Variants in ALYREF observed in about 807,000 individuals in gnomAD.
ALYREF encodes the protein THO complex subunit 4.
Under a neutral mutation model 25.2 loss-of-function variants are expected in ALYREF, and 1 was observed. The observed-to-expected ratio is 0.04, with a 90% CI of 0.01 to 0.19. The LOEUF is 0.19. Among genes scored for constraint, ALYREF ranks in the 10% least tolerant of loss-of-function variants. ALYREF has a pLI of 1.00. For synonymous variants in ALYREF, 193 were observed against 153.5 expected (o/e 1.26, Z -1.90); for missense variants, 328 against 375.6 (o/e 0.87, Z 1.05).
At position 81,888,905 on chromosome 17, in the gene ALYREF, C is replaced by CA. The variant is rs1048095498; in HGVS notation, c.538+276dup. The CA allele has an allele frequency of 1.4e-6, 2 of 1,409,532 alleles. No individual in the cohort carries two copies. The highest frequency in any genetic ancestry group is 1.8e-6 in the Non-Finnish European group (2 of 1,083,774). 87.3% of individuals were successfully genotyped at this position (1,409,532 alleles called of 1,614,324 possible). ...GTCTTTACGACTACAGCCCCGCACT[C>CA]AGAGGTGTACTATGGCGGTTCTGAG... On this transcript the variant is annotated intron_variant, in intron 3 of 5. Coordinates refer to ENST00000505490, the MANE Select transcript of ALYREF (RefSeq NM_005782.4). This position sits in a 1 kb window ranked among gnomAD's most constrained non-coding sequence, Gnocchi z 5.8.
In ALYREF at chr17:81,888,990, C is replaced by A; in HGVS notation, c.538+192G>T. 7.0e-7 allele frequency: 1 copy of A among 1,426,380 alleles called. No homozygotes were observed. The highest frequency in any genetic ancestry group is 9.2e-7 in the Non-Finnish European group (1 of 1,091,740). 88.4% of individuals were successfully genotyped at this position (1,426,380 alleles called of 1,614,324 possible). On this transcript the variant is annotated intron_variant, in intron 3 of 5. Transcript: ENST00000505490. The surrounding 1 kb of genome is among the most constrained non-coding windows in gnomAD (Gnocchi z 5.8). ...TGAAGGAGGGGAGGGATGTAGCTTG[C>A]TGGATGGGGGTTCACAAGAGGTTGG...
rs761153325 is a variant in ALYREF, at chr17:81,888,137, G to C, written c.789C>G (p.Thr263=). The change falls in exon 6 of 6, where the codon ACC becomes ACG. Residue 263 remains threonine, a synonymous_variant. Coordinates refer to ENST00000505490, the MANE Select transcript of ALYREF (RefSeq NM_005782.4). The surrounding 1 kb of genome is among the most constrained non-coding windows in gnomAD (Gnocchi z 5.8). The part of the protein sequence containing the change: ...QLDAYNARMD[T]S Reference sequence around the variant, plus strand: ...CGCGGATTTGCTGGTCTGTTTAACTGGTGTCCATCTGAAACACAGAGGAGA... The same window carrying C: ...CGCGGATTTGCTGGTCTGTTTAACTCGTGTCCATCTGAAACACAGAGGAGA... 1.4e-4 allele frequency: 224 copies of C among 1,614,110 alleles called. 1 individual carries two copies. Among genetic ancestry groups the C allele is most frequent in the South Asian group, 3.3e-4 (30 of 91,084 alleles).
chr17:81,890,706 A>G lies in ALYREF; in HGVS notation c.373T>C (p.Ser125Pro). The change falls in exon 2 of 6, where the codon TCA becomes CCA. Residue 125 changes from serine to proline, a missense_variant. Ser to Pro is a moderately conservative substitution (Grantham distance 74). This residue lies in a region of ALYREF where 70 missense variants were observed against 129.9 expected (regional missense o/e 0.54). Transcript: ENST00000505490. ...TCTCTTACCTGAATATCGGCGTCTG[A>G]GACTCCAAAATCCAGATTGGACACC... ...LLVSNLDFGV[S>P]DADIQELFAE... is the part of the protein sequence containing the mutation. The G allele has an allele frequency of 6.2e-7, 1 of 1,613,784 alleles. No homozygotes were observed. Among genetic ancestry groups the G allele is most frequent in the Non-Finnish European group, 8.5e-7 (1 of 1,179,952 alleles).
At position 81,891,387 on chromosome 17, in the gene ALYREF, C is replaced by T; in HGVS notation, c.194G>A (p.Arg65Gln). The part of the protein sequence containing the change: ...VNRGGGPIRN[R>Q]PAIARGAAGG... ...GGCCGCGCCGCGGGCGATGGCCGGC[C>T]GGTTCCGGATGGGCCCGCCGCCTCG... Residue 65 changes from arginine (R) to glutamine (Q), a missense_variant, in exon 1 of 6, where the codon CGG (arginine) becomes CAG (glutamine). Arg to Gln is a conservative substitution (Grantham distance 43). Transcript: ENST00000505490. The T allele has an allele frequency of 1.8e-6, 2 of 1,121,402 alleles. No homozygotes were observed. The highest frequency in any genetic ancestry group is 4.8e-5 in the Admixed American group (1 of 20,850). 69.5% of individuals were successfully genotyped at this position (1,121,402 alleles called of 1,614,324 possible). A position where few individuals can be genotyped will look rare whatever the true frequency, so the allele number is the denominator to read the frequency against.
intron 2 of ALYREF, 132 bp from the exon 3 acceptor site, chr17:81,889,461 A>C (rs1411193211): frequency 9.5e-7 from 1 of 1,052,256 alleles, no homozygotes; most frequent in East Asian, 2.4e-5. Context: ...GGTTAACGGG[A>C]AATGAGGGAA....
chr17:81,888,035 T>C lies in ALYREF; in HGVS notation c.*96A>G. 6 of 1,391,354 alleles carry C rather than the reference T, an allele frequency of 4.3e-6. No individual in the cohort carries two copies. The highest frequency in any genetic ancestry group is 5.9e-6 in the Non-Finnish European group (6 of 1,019,444). The allele number at this position is 1,391,354 out of a possible 1,614,324, so 86.2% of individuals were successfully genotyped here. Reference sequence around the variant, plus strand: ...TATTTTAAAACATAAAAGAAACAAATCCATCATTGGCCGCACAGCCCCAGC... The same window carrying C: ...TATTTTAAAACATAAAAGAAACAAACCCATCATTGGCCGCACAGCCCCAGC... On this transcript the variant is annotated 3_prime_UTR_variant, in exon 6 of 6. Coordinates refer to ENST00000505490, the MANE Select transcript of ALYREF (RefSeq NM_005782.4). This position sits in a 1 kb window ranked among gnomAD's most constrained non-coding sequence, Gnocchi z 5.8.
At chr17:81,890,270 CAG>C (rs1388555633) in intron 2 of ALYREF, among the ~76,000 whole-genome samples, 1 of 152,108 alleles carries the variant, frequency 6.6e-6, no homozygotes. Context: ...TCAAGGCAAA[CAG>C]AGCCAGAAAA....
chr17:81,889,119 G>T, intron 3 of ALYREF, 63 bp downstream of exon 3: 1 of 1,596,218 alleles, frequency 6.3e-7, no homozygotes. Flanking sequence ...TTCCTACCTG[G>T]ACAGGTGCCA....
At chr17:81,889,099 G>A (rs1365943572) in intron 3 of ALYREF, 83 bp downstream of exon 3, 3 of 1,567,264 alleles carry the variant, frequency 1.9e-6, no homozygotes, top group Non-Finnish European at 1.7e-6. Context: ...AGCCACAGGG[G>A]TACCCCATAT....
In ALYREF at chr17:81,890,808, G is replaced by C; in HGVS notation, c.271C>G (p.Pro91Ala). The part of the protein sequence containing the change: ...PAPYSRPKQL[P>A]DKWQHDLFDS... ...AAAAGATCGTGCTGCCACTTGTCGG[G>C]AAGTTGTTTTGGCTGAAAAAAAAAC... Residue 91 changes from proline to alanine, a missense_variant, in exon 2 of 6, where the codon CCC (proline) becomes GCC (alanine). By Grantham distance (27) the Pro-to-Ala change is conservative. Transcript: ENST00000505490. 6.2e-7 allele frequency: 1 copy of C among 1,614,108 alleles called. No homozygotes were observed. The highest frequency in any genetic ancestry group is 8.5e-7 in the Non-Finnish European group (1 of 1,179,992).
Position 81,891,553 on chromosome 17 carries a change from C to T in ALYREF, c.28G>A (p.Asp10Asn). Residue 10 changes from aspartate to asparagine, a missense_variant, in exon 1 of 6, where the codon GAC (aspartate) becomes AAC (asparagine). Asp to Asn is a conservative substitution (Grantham distance 23). This residue lies in a region of ALYREF where 150 missense variants were observed against 135.3 expected (regional missense o/e 1.11). Transcript: ENST00000505490. Reference sequence around the variant, plus strand: ...TCGTCCAGAGACATGTCCATTTTGTCGGCCATGGCGGGCGCGGAATCGGGC... The same window carrying T: ...TCGTCCAGAGACATGTCCATTTTGTTGGCCATGGCGGGCGCGGAATCGGGC... The part of the protein sequence containing the change: MPDSAPAMA[D>N]KMDMSLDDII... 10 of 1,437,810 alleles carry T rather than the reference C, an allele frequency of 7.0e-6. No individual in the cohort carries two copies. The highest frequency in any genetic ancestry group is 8.2e-6 in the Non-Finnish European group (9 of 1,094,494). 89.1% of individuals were successfully genotyped at this position (1,437,810 alleles called of 1,614,324 possible).
chr17:81,890,939 G>A lies in ALYREF; in HGVS notation c.259-119C>T. ...CCTGAGAGGATCCGGCCGAAACGGG[G>A]CCGCCAGCGCTCCCTCCGGCGCTGC... On this transcript the variant is annotated intron_variant, in intron 1 of 5. Transcript: ENST00000505490. 2.1e-6 allele frequency: 3 copies of A among 1,454,894 alleles called. No individual in the cohort carries two copies. In the South Asian group the frequency reaches 3.9e-5, roughly 19 times the overall value. 90.1% of individuals were successfully genotyped at this position (1,454,894 alleles called of 1,614,324 possible). A position where few individuals can be genotyped will look rare whatever the true frequency, so the allele number is the denominator to read the frequency against.
chr17:81,889,148 C>A (rs2039469310), intron 3 of ALYREF, 34 bp downstream of exon 3: 1 of 1,607,886 alleles, frequency 6.2e-7, no homozygotes, highest in Non-Finnish European at 8.5e-7. Flanking sequence ...CTCCACAAGC[C>A]CCACAGTCAG....
intron 1 of ALYREF, 123 bp downstream of exon 1, chr17:81,891,200 C>A (rs951519883): frequency 7.4e-4 from 610 of 823,436 alleles, no homozygotes; most frequent in Non-Finnish European, 8.9e-4. Context: ...CCCTCCGGAC[C>A]TCCGGGCGGC....
chr17:81,888,373 A>G lies in ALYREF; in HGVS notation c.648T>C (p.Phe216=), dbSNP rs1292406531. 6.2e-7 allele frequency: 1 copy of G among 1,602,384 alleles called. No homozygotes were observed. Among genetic ancestry groups the G allele is most frequent in the Admixed American group, 1.7e-5 (1 of 59,540 alleles). ...CTCTCCGGGTGCCTCCACCACCACC[A>G]AAACCTCCAGCGCCACGGTTTCTAG... ...GMTRNRGAGG[F]GGGGGTRRGT... The change falls in exon 5 of 6, where the codon TTT becomes TTC. Residue 216 remains phenylalanine, a synonymous_variant. Coordinates refer to ENST00000505490, the MANE Select transcript of ALYREF (RefSeq NM_005782.4). The surrounding 1 kb of genome is among the most constrained non-coding windows in gnomAD (Gnocchi z 5.8).
intron 1 of ALYREF, chr17:81,891,036 G>A (rs1425312715): frequency 1.4e-5 from 10 of 720,870 alleles, no homozygotes; most frequent in Non-Finnish European, 2.2e-5. Context: ...CTAACTTCCC[G>A]CCGCCTGTGC....
chr17:81,888,101 C>T lies in ALYREF; in HGVS notation c.*30G>A, dbSNP rs1598290004. 1 of 1,613,820 alleles carries T rather than the reference C, an allele frequency of 6.2e-7. No homozygotes were observed. The highest frequency in any genetic ancestry group is 2.2e-5 in the East Asian group (1 of 44,878). ...AGGGAGCAAGAGGAGACGCCTGGGT[C>T]CTGTTCCGCACGCGGATTTGCTGGT... On this transcript the variant is annotated 3_prime_UTR_variant, in exon 6 of 6. Transcript: ENST00000505490. The surrounding 1 kb of genome is among the most constrained non-coding windows in gnomAD (Gnocchi z 5.8).
Position 81,887,964 on chromosome 17 carries a change from AAAAAAAAAAG to A in ALYREF, c.*157_*166del. 4 of 813,002 alleles carry A rather than the reference AAAAAAAAAAG, an allele frequency of 4.9e-6. No individual in the cohort carries two copies. Among genetic ancestry groups the A allele is most frequent in the Non-Finnish European group, 7.1e-6 (4 of 560,774 alleles). The allele number at this position is 813,002 out of a possible 1,614,324, so 50.4% of individuals were successfully genotyped here. A position where few individuals can be genotyped will look rare whatever the true frequency, so the allele number is the denominator to read the frequency against. ...AACAGGTCTGTTTCAGAATTAAAAA[AAAAAAAAAAG>A]AAAAAAAAAAAACCTTTACATGAGT... On this transcript the variant is annotated 3_prime_UTR_variant, in exon 6 of 6. Transcript: ENST00000505490.
intron 2 of ALYREF, among the ~76,000 whole-genome samples, 188 bp from the exon 3 acceptor site, chr17:81,889,517 A>G (rs1234333595): frequency 6.6e-6 from 1 of 152,150 alleles, no homozygotes; most frequent in Non-Finnish European, 1.5e-5. Context: ...CCTGGGTCTG[A>G]GGGCTCCTGC....
Sources: gnomAD v4.1 joint callset for allele counts (sites outside exome capture counted in the v4.1 genomes callset) on GRCh38, gnomAD v4.1.1 for gene constraint, gnomAD v4.1.1 regional missense constraint, Gnocchi (gnomAD v3.1) non-coding constraint, MANE v1.5 for transcripts, NCBI Gene and HGNC (gene_info 2026-07-23, HGNC 2026-07-21) for gene names.